Variants in ADCY9 observed in about 807,000 individuals in gnomAD.
The protein encoded by ADCY9 is adenylate cyclase 9.
Under a neutral mutation model 101.5 loss-of-function variants are expected in ADCY9, and 50 were observed. That is an observed-to-expected ratio of 0.49 (90% CI 0.39 to 0.62). The LOEUF (loss-of-function observed/expected upper bound fraction) is 0.62, where lower values mean the gene tolerates loss of function less well. Among genes scored for constraint, ADCY9 ranks in the 20% least tolerant of loss-of-function variants. ADCY9 has a pLI of 0.00. For missense variants in ADCY9, 1,662 were observed against 1,800.4 expected (o/e 0.92, Z 1.39); for synonymous variants, 905 against 769.3 (o/e 1.18, Z -2.92).
chr16:3,970,390 C>G (rs57295118), intron 10 of ADCY9, among the ~76,000 whole-genome samples: 1 of 151,850 alleles, frequency 6.6e-6, no homozygotes, highest in Non-Finnish European at 1.5e-5. Flanking sequence ...TGCAATGGCG[C>G]GACCTTGGCT....
chr16:4,086,417 T>C (rs387212), intron 2 of ADCY9, among the ~76,000 whole-genome samples: 38,226 of 151,386 alleles, frequency 0.25, 5,549 homozygotes, highest in Non-Finnish European at 0.31. Flanking sequence ...CCCAGGCCTG[T>C]GATGAAGGAC....
At chr16:4,098,917 G>GGTTTT (rs1017442836) in intron 2 of ADCY9, among the ~76,000 whole-genome samples, 5 of 151,730 alleles carry the variant, frequency 3.3e-5, no homozygotes, top group Admixed American at 3.3e-4. Flanking sequence ...TTATTGTTTT[G>GGTTTT]GTTTTGTTTT....
chr16:3,999,967 G>A (rs2056318334), intron 3 of ADCY9, among the ~76,000 whole-genome samples: 2 of 152,178 alleles, frequency 1.3e-5, no homozygotes, highest in Non-Finnish European at 2.9e-5. Context: ...ACTGTCAAGG[G>A]AGGGAGTGGG....
At chr16:4,037,242 C>A (rs1345388665) in intron 2 of ADCY9, among the ~76,000 whole-genome samples, 2 of 152,094 alleles carry the variant, frequency 1.3e-5, no homozygotes, top group Non-Finnish European at 2.9e-5. Context: ...CATTTGAGCC[C>A]AGGAGGTCAA....
At chr16:4,051,004 C>T (rs7203542) in intron 2 of ADCY9, among the ~76,000 whole-genome samples, 2 of 151,694 alleles carry the variant, frequency 1.3e-5, no homozygotes, top group Non-Finnish European at 2.9e-5. Context: ...CCTGAGGTTA[C>T]AAGTTGGAGA....
chr16:4,008,469 C>T (rs549321875), intron 2 of ADCY9, among the ~76,000 whole-genome samples: 33 of 152,108 alleles, frequency 2.2e-4, no homozygotes, highest in African/African-American at 6.0e-4. Flanking sequence ...GCAAATGTAT[C>T]GGAAGGAGGG....
At chr16:4,106,562 G>T (rs2057078663) in intron 2 of ADCY9, among the ~76,000 whole-genome samples, 2 of 152,238 alleles carry the variant, frequency 1.3e-5, no homozygotes, top group African/African-American at 2.4e-5. Flanking sequence ...CCCAGGGCCA[G>T]ATGGATGACA....
At chr16:4,084,835 C>T (rs1007006259) in intron 2 of ADCY9, among the ~76,000 whole-genome samples, 1 of 152,090 alleles carries the variant, frequency 6.6e-6, no homozygotes, top group East Asian at 1.9e-4. Context: ...ATCAGAAACC[C>T]AACAAGGAAC....
In ADCY9 at chr16:3,992,086, A is replaced by G. The variant is rs761532625; in HGVS notation, c.2207+60T>C. ...ACTCAGTCTTAAAGAAAAGAAAAGA[A>G]AAAGGCAGAGAGGCTTCTGCCTGCA... On this transcript the variant is annotated intron_variant, in intron 5 of 10. Coordinates refer to ENST00000294016, the MANE Select transcript of ADCY9 (RefSeq NM_001116.4). The surrounding 1 kb of genome is among the most constrained non-coding windows in gnomAD (Gnocchi z 4.2). 2 of 1,543,230 alleles carry G rather than the reference A, an allele frequency of 1.3e-6. No homozygotes were observed. Among genetic ancestry groups the G allele is most frequent in the African/African-American group, 1.4e-5 (1 of 72,768 alleles).
chr16:4,080,429 C>A (rs889664760), intron 2 of ADCY9, among the ~76,000 whole-genome samples: 2 of 151,862 alleles, frequency 1.3e-5, no homozygotes, highest in Non-Finnish European at 1.5e-5. Flanking sequence ...TATATATATA[C>A]ATTTTTTGAT....
At chr16:4,016,454 G>A (rs894373999) in intron 2 of ADCY9, among the ~76,000 whole-genome samples, 1 of 152,178 alleles carries the variant, frequency 6.6e-6, no homozygotes, top group Non-Finnish European at 1.5e-5. Flanking sequence ...CGTCGGCAGA[G>A]GGAGGGGGTC....
chr16:4,077,508 C>T (rs2056875277), intron 2 of ADCY9, among the ~76,000 whole-genome samples: 2 of 152,130 alleles, frequency 1.3e-5, no homozygotes, highest in South Asian at 4.1e-4. Flanking sequence ...AGCGGGAAAA[C>T]ACCCACACAC....
chr16:4,017,911 T>C (rs1242710920), intron 2 of ADCY9, among the ~76,000 whole-genome samples: 1 of 152,006 alleles, frequency 6.6e-6, no homozygotes, highest in African/African-American at 2.4e-5. Flanking sequence ...CAAACACACT[T>C]CTCCTGCAGC....
At chr16:4,092,397 G>C (rs2056979266) in intron 2 of ADCY9, among the ~76,000 whole-genome samples, 1 of 152,164 alleles carries the variant, frequency 6.6e-6, no homozygotes, top group Admixed American at 6.5e-5. Flanking sequence ...AGTAAGCAAA[G>C]TCCTTTCCTG....
chr16:4,063,148 T>C (rs546607079), intron 2 of ADCY9, among the ~76,000 whole-genome samples: 94 of 152,312 alleles, frequency 6.2e-4, no homozygotes, highest in Non-Finnish European at 1.1e-3. Flanking sequence ...ATATAAAGCA[T>C]GTTCTCTACC....
intron 2 of ADCY9, among the ~76,000 whole-genome samples, chr16:4,023,534 C>T (rs1354326296): frequency 6.6e-6 from 1 of 152,122 alleles, no homozygotes; most frequent in African/African-American, 2.4e-5. Context: ...TGAAAGGTGG[C>T]AACTGTTCCC....
chr16:4,092,205 G>A (rs896927008), intron 2 of ADCY9, among the ~76,000 whole-genome samples: 5 of 152,240 alleles, frequency 3.3e-5, no homozygotes, highest in African/African-American at 1.2e-4. Context: ...AGGAAACGGA[G>A]GTTGCAGTGA....
chr16:4,104,468 G>A (rs965667492), intron 2 of ADCY9, among the ~76,000 whole-genome samples: 3 of 151,962 alleles, frequency 2.0e-5, no homozygotes, highest in African/African-American at 4.8e-5. Context: ...AAAAATCAGC[G>A]GGGTGTGGTG....
intron 2 of ADCY9, among the ~76,000 whole-genome samples, chr16:4,016,857 G>T (rs1381118644): frequency 1.3e-5 from 2 of 152,172 alleles, no homozygotes; most frequent in Non-Finnish European, 2.9e-5. Flanking sequence ...CGGATGCAGG[G>T]TTACTTTTTG....
Sources: gnomAD v4.1 joint callset for allele counts (sites outside exome capture counted in the v4.1 genomes callset) on GRCh38, gnomAD v4.1.1 for gene constraint, Gnocchi (gnomAD v3.1) non-coding constraint, MANE v1.5 for transcripts, NCBI Gene and HGNC (gene_info 2026-07-23, HGNC 2026-07-21) for gene names.